The following UNC13C variants were observed in gnomAD, a reference collection of about 807,000 sequenced individuals.
The protein encoded by UNC13C is unc-13 homolog C.
A neutral mutation model predicts 245.4 loss-of-function variants in UNC13C; 174 were observed. The ratio of observed to expected loss-of-function variants is 0.71; its 90% CI spans 0.63 to 0.80. UNC13C has a LOEUF of 0.80. Among genes scored for constraint, UNC13C ranks in the 30% least tolerant of loss-of-function variants. The pLI, the probability that UNC13C is intolerant of heterozygous loss-of-function variation, is 0.00. For missense variants in UNC13C, 2,829 were observed against 2,602.9 expected (o/e 1.09, Z -1.89); for synonymous variants, 992 against 895.1 (o/e 1.11, Z -1.93).
intron 29 of UNC13C, among the ~76,000 whole-genome samples, chr15:54,556,262 T>C (rs192356521): frequency 2.0e-3 from 301 of 152,216 alleles, no homozygotes; most frequent in African/African-American, 6.9e-3. Flanking sequence ...GATATGTGAA[T>C]AGCATAGCTA....
intron 7 of UNC13C, among the ~76,000 whole-genome samples, chr15:54,240,127 T>C (rs1312582093): frequency 1.3e-5 from 2 of 151,000 alleles, no homozygotes; most frequent in African/African-American, 4.9e-5. Context: ...CTTAAAAATA[T>C]CACCTTTACT....
At chr15:54,054,125 C>T (rs1490214489) in intron 2 of UNC13C, among the ~76,000 whole-genome samples, 1 of 152,162 alleles carries the variant, frequency 6.6e-6, no homozygotes, top group Non-Finnish European at 1.5e-5. Context: ...GGTTTCCTTT[C>T]TTTGGGCATA....
intron 28 of UNC13C, among the ~76,000 whole-genome samples, chr15:54,552,448 TATAATATA>T (rs1896795585): frequency 0.012 from 27 of 2,168 alleles, 1 homozygote; most frequent in African/African-American, 0.094. Context: ...TATTACAATA[TATAATATA>T]ATTATATATT....
chr15:54,185,929 A>G (rs4442754), intron 4 of UNC13C, among the ~76,000 whole-genome samples: 3 of 150,250 alleles, frequency 2.0e-5, no homozygotes, highest in Non-Finnish European at 4.4e-5. Context: ...ATTTGTTTGT[A>G]TCCTCTTTTA....
intron 4 of UNC13C, among the ~76,000 whole-genome samples, chr15:54,169,986 C>CTT (rs1303812026): frequency 2.2e-5 from 2 of 92,850 alleles, no homozygotes; most frequent in African/African-American, 4.0e-5. Context: ...GGACAATATC[C>CTT]TTTTTCTTTT....
chr15:54,297,541 A>G (rs1596167995), intron 11 of UNC13C, among the ~76,000 whole-genome samples: 1 of 152,048 alleles, frequency 6.6e-6, no homozygotes, highest in East Asian at 1.9e-4. Flanking sequence ...AAATGTAGAG[A>G]CTAGATCTTG....
chr15:53,952,356 C>T, the UNC13C span, among the ~76,000 whole-genome samples: 3 of 152,154 alleles, frequency 2.0e-5, no homozygotes, highest in Non-Finnish European at 2.9e-5. Context: ...GACTTGCTTG[C>T]TCAAGGTTAC....
intron 17 of UNC13C, among the ~76,000 whole-genome samples, chr15:54,353,753 T>TC (rs1567209406): frequency 6.6e-6 from 1 of 152,192 alleles, no homozygotes; most frequent in South Asian, 2.1e-4. Context: ...CACTGACTGC[T>TC]CCCTTTTGAA....
chr15:54,235,236 T>C, intron 5 of UNC13C, 128 bp downstream of exon 5: 1 of 637,920 alleles, frequency 1.6e-6, no homozygotes. Flanking sequence ...TGAGGCCAGA[T>C]GCTACCTGCT....
chr15:53,840,296 C>T, the UNC13C span, among the ~76,000 whole-genome samples: 2 of 152,076 alleles, frequency 1.3e-5, no homozygotes, highest in African/African-American at 4.8e-5. Flanking sequence ...TCTTCTTATT[C>T]TAAATGTCTA....
intron 30 of UNC13C, among the ~76,000 whole-genome samples, chr15:54,620,050 T>TTG (rs899422879): frequency 6.6e-6 from 1 of 152,178 alleles, no homozygotes; most frequent in Non-Finnish European, 1.5e-5. Flanking sequence ...CACTTTAGGG[T>TTG]TGTACTACCT....
At chr15:54,547,307 T>C (rs1419943981) in intron 27 of UNC13C, among the ~76,000 whole-genome samples, 1 of 152,150 alleles carries the variant, frequency 6.6e-6, no homozygotes, top group Non-Finnish European at 1.5e-5. Context: ...AGAGGAGGCA[T>C]CTTTTAGTGA....
At chr15:54,482,962 C>T (rs1264290550) in intron 19 of UNC13C, among the ~76,000 whole-genome samples, 1 of 152,106 alleles carries the variant, frequency 6.6e-6, no homozygotes, top group African/African-American at 2.4e-5. Context: ...TTATAAAAAT[C>T]ATTTGAATAT....
Position 54,125,146 on chromosome 15 carries a change from G to A in UNC13C, c.2984-17872G>A, listed in dbSNP as rs78923998. On this transcript the variant is annotated intron_variant, in intron 2 of 32. Transcript: ENST00000260323. The stretch of plus-strand genomic sequence containing the variant: ...CCCTTATCTTTCCATATAAGTTTCG[G>A]AGAACTCTTGTCCTTAAATATAAAA... Among the ~76,000 whole-genome samples the A allele has an allele frequency of 4.3e-3, 661 of 152,124 alleles. 40 individuals carry two copies. The East Asian group carries it at 0.086, about 20-fold the overall frequency.
At chr15:54,625,621 C>T (rs1391344603) in intron 32 of UNC13C, among the ~76,000 whole-genome samples, 1 of 152,084 alleles carries the variant, frequency 6.6e-6, no homozygotes, top group Non-Finnish European at 1.5e-5. Flanking sequence ...GATTTACACG[C>T]CAATACACTC....
chr15:53,873,398 G>C, the UNC13C span, among the ~76,000 whole-genome samples: 1 of 152,092 alleles, frequency 6.6e-6, no homozygotes, highest in Non-Finnish European at 1.5e-5. Context: ...TTGCTCGCAA[G>C]ATCGCTCAAC....
intron 12 of UNC13C, 26 bp downstream of exon 12, chr15:54,297,952 C>A (rs2037479818): frequency 2.2e-6 from 3 of 1,334,016 alleles, no homozygotes; most frequent in South Asian, 2.6e-5. Context: ...TTTACTAATA[C>A]AAAATATAAG....
intron 19 of UNC13C, among the ~76,000 whole-genome samples, chr15:54,439,578 A>T (rs754045812): frequency 6.6e-6 from 1 of 151,996 alleles, no homozygotes; most frequent in Admixed American, 6.6e-5. Flanking sequence ...TTGTAATAAT[A>T]GCATAGATGC....
intron 2 of UNC13C, among the ~76,000 whole-genome samples, chr15:54,080,658 G>T (rs551859876): frequency 6.6e-6 from 1 of 152,062 alleles, no homozygotes; most frequent in Admixed American, 6.5e-5. Flanking sequence ...GTGGTGTCGG[G>T]TGTGATGACA....
Sources: allele counts gnomAD v4.1 joint callset (sites outside exome capture counted in the v4.1 genomes callset), GRCh38; gene constraint gnomAD v4.1.1; transcripts MANE v1.5; gene names NCBI Gene and HGNC (gene_info 2026-07-23, HGNC 2026-07-21).